Variants in TUBB8B observed in about 807,000 individuals in gnomAD.
TUBB8B encodes the protein tubulin beta 8B.
TUBB8B carries 26 observed loss-of-function variants against 31.9 expected under a neutral mutation model. The ratio of observed to expected loss-of-function variants is 0.81; its 90% CI spans 0.60 to 1.13. TUBB8B has a LOEUF of 1.13. Ranked by LOEUF, TUBB8B falls within the 50% of genes most tolerant of loss-of-function variation. The pLI is 0.00. For synonymous variants in TUBB8B, 173 were observed against 231.0 expected (o/e 0.75, Z 2.28); for missense variants, 467 against 586.7 (o/e 0.80, Z 2.11).
chr18:58,554 T>A, the TUBB8B span, among the ~76,000 whole-genome samples: 19 of 151,746 alleles, frequency 1.3e-4, no homozygotes, highest in Non-Finnish European at 2.4e-4. Context: ...ATCTGAGACC[T>A]CCTCAGCTCA....
chr18:63,308 G>A, the TUBB8B span, among the ~76,000 whole-genome samples: 2 of 151,894 alleles, frequency 1.3e-5, no homozygotes, highest in African/African-American at 4.8e-5. Context: ...AGAGACTTAG[G>A]TCCCAAGCCC....
the TUBB8B span, among the ~76,000 whole-genome samples, chr18:62,473 C>G: frequency 2.4e-4 from 35 of 148,846 alleles, no homozygotes; most frequent in South Asian, 4.2e-4. Context: ...GGCTGGAGTG[C>G]AATGGCGTGA....
chr18:72,196 A>AAAAAAAAAAAAAAAAAAACAAC, the TUBB8B span, among the ~76,000 whole-genome samples: 139 of 84,444 alleles, frequency 1.6e-3, 4 homozygotes, highest in African/African-American at 3.5e-3. Flanking sequence ...AAAAAAAAAA[A>AAAAAAAAAAAAAAAAAAACAAC]AAAGGAAAAA....
the TUBB8B span, among the ~76,000 whole-genome samples, chr18:59,185 C>T: frequency 0.26 from 39,019 of 151,358 alleles, 6,109 homozygotes; most frequent in East Asian, 0.51. Context: ...GGAGTCTTTA[C>T]GTTTTTCCAA....
chr18:53,443 A>G (rs1308945658), upstream of TUBB8B, among the ~76,000 whole-genome samples: 2 of 151,802 alleles, frequency 1.3e-5, no homozygotes, highest in Non-Finnish European at 1.5e-5. Flanking sequence ...TTTTGTCTGG[A>G]ACACAATGAG....
At chr18:64,822 C>T in the TUBB8B span, among the ~76,000 whole-genome samples, 4,163 of 152,164 alleles carry the variant, frequency 0.027, 193 homozygotes, top group African/African-American at 0.094. Context: ...AACTCTTCCC[C>T]GCAATTCCTC....
At chr18:70,620 G>A in the TUBB8B span, among the ~76,000 whole-genome samples, 1 of 152,102 alleles carries the variant, frequency 6.6e-6, no homozygotes, top group Non-Finnish European at 1.5e-5. Flanking sequence ...GAGCAACAGA[G>A]TGAGACTGCA....
the TUBB8B span, among the ~76,000 whole-genome samples, chr18:57,630 A>G: frequency 1.3e-5 from 2 of 151,764 alleles, no homozygotes; most frequent in Non-Finnish European, 2.9e-5. Flanking sequence ...AGCTAGATCT[A>G]CCATTCTGGG....
rs565684361 is a variant in TUBB8B, at chr18:48,983, C to T, written c.234G>A (p.Ser78=). The change falls in exon 3 of 4, where the codon TCG becomes TCA. Residue 78 remains serine, a synonymous_variant. Coordinates refer to ENST00000308911, the MANE Select transcript of TUBB8B (RefSeq NM_001358689.2). ...LEPGTMDSVH[S]GPFGQVFRPD... is the part of the protein sequence containing the mutation. ...GCCTGAAGACCTGCCCGAAGGGCCCCGAGTGCACAGAGTCCATGGTGCCCG... is the reference window on the plus strand; with the variant it reads ...GCCTGAAGACCTGCCCGAAGGGCCCTGAGTGCACAGAGTCCATGGTGCCCG... The T allele has an allele frequency of 1.4e-4, 227 of 1,609,270 alleles. 4 individuals carry two copies. Among genetic ancestry groups the T allele is most frequent in the Non-Finnish European group, 1.6e-4 (186 of 1,177,946 alleles).
At chr18:54,402 T>C (rs1906217968), upstream of TUBB8B, among the ~76,000 whole-genome samples, 1 of 151,816 alleles carries the variant, frequency 6.6e-6, no homozygotes, top group African/African-American at 2.4e-5. Flanking sequence ...ATTATACTAT[T>C]TTAGTTTTTA....
upstream of TUBB8B, chr18:50,443 G>C (rs1314861863): frequency 6.5e-6 from 1 of 153,490 alleles, no homozygotes; most frequent in Admixed American, 6.5e-5. Context: ...CTCAATTTTG[G>C]ACAGGTTTAA....
At chr18:48,815 C>T (rs922085736) in intron 3 of TUBB8B, 125 bp downstream of exon 3, 2 of 771,092 alleles carry the variant, frequency 2.6e-6, no homozygotes, top group African/African-American at 3.4e-5. Context: ...AGCGACTCGA[C>T]TCGGCGGATA....
chr18:72,494 C>T, the TUBB8B span, among the ~76,000 whole-genome samples: 1 of 152,176 alleles, frequency 6.6e-6, no homozygotes, highest in Admixed American at 6.5e-5. Flanking sequence ...TTGACGAGTT[C>T]ACTTCCATTA....
upstream of TUBB8B, chr18:49,639 G>C (rs57530517): frequency 0.44 from 317,555 of 725,792 alleles, 80,108 homozygotes; most frequent in East Asian, 0.97. Context: ...CTCCGCTAAC[G>C]CTTAAATAGC....
chr18:70,836 G>T, the TUBB8B span, among the ~76,000 whole-genome samples: 1 of 151,960 alleles, frequency 6.6e-6, no homozygotes, highest in Non-Finnish European at 1.5e-5. Flanking sequence ...CTACTTGGGA[G>T]GCTGAGGCAG....
intron 1 of TUBB8B, 69 bp from the exon 2 acceptor site, chr18:49,306 C>G (rs1380271870): frequency 7.3e-7 from 1 of 1,375,222 alleles, no homozygotes; most frequent in East Asian, 2.6e-5. Context: ...GCTCTCCCAC[C>G]CCCACCCGCA....
At chr18:69,406 C>G in the TUBB8B span, among the ~76,000 whole-genome samples, 6 of 152,196 alleles carry the variant, frequency 3.9e-5, no homozygotes, top group Non-Finnish European at 7.4e-5. Context: ...TGCAGTGAGC[C>G]GAGATGGTGC....
the TUBB8B span, among the ~76,000 whole-genome samples, chr18:68,924 C>T: frequency 6.6e-6 from 1 of 152,194 alleles, no homozygotes; most frequent in Non-Finnish European, 1.5e-5. Flanking sequence ...CACCCAATGT[C>T]CACCCTTAGC....
At chr18:69,978 G>C in the TUBB8B span, among the ~76,000 whole-genome samples, 1 of 152,082 alleles carries the variant, frequency 6.6e-6, no homozygotes, top group South Asian at 2.1e-4. Context: ...CCAACATGGC[G>C]AAACCCAGGC....
Sources: allele counts gnomAD v4.1 joint callset (sites outside exome capture counted in the v4.1 genomes callset), GRCh38; gene constraint gnomAD v4.1.1; transcripts MANE v1.5; gene names NCBI Gene and HGNC (gene_info 2026-07-23, HGNC 2026-07-21).